ERBB4: variants seen among roughly 807,000 people sequenced by gnomAD.
ERBB4 encodes the protein receptor tyrosine-protein kinase erbB-4.
ERBB4 carries 42 observed loss-of-function variants against 158.0 expected under a neutral mutation model. That is an observed-to-expected ratio of 0.27 (90% CI 0.21 to 0.34). The LOEUF (loss-of-function observed/expected upper bound fraction) is 0.34. ERBB4 is among the 10% of genes least tolerant of loss of function. ERBB4 has a pLI of 1.00. For missense variants in ERBB4, 1,333 were observed against 1,624.1 expected (o/e 0.82, Z 3.08); for synonymous variants, 583 against 558.7 (o/e 1.04, Z -0.61).
At chr2:211,484,883 G>A (rs1435289612) in intron 20 of ERBB4, among the ~76,000 whole-genome samples, 2 of 152,182 alleles carry the variant, frequency 1.3e-5, no homozygotes, top group African/African-American at 4.8e-5. Flanking sequence ...CCCCTTATTA[G>A]TGCATGTATC....
chr2:212,503,636 T>C (rs560868474), intron 1 of ERBB4, among the ~76,000 whole-genome samples: 9 of 152,296 alleles, frequency 5.9e-5, no homozygotes, highest in African/African-American at 4.8e-5. Context: ...ACCAACAGCA[T>C]ACTCAGGAGC....
At position 212,538,769 on chromosome 2, in the gene ERBB4, C is replaced by T. The variant is rs1693257376; in HGVS notation, c.-239G>A. On this transcript the variant is annotated 5_prime_UTR_variant, in exon 1 of 28. Coordinates refer to ENST00000342788, the MANE Select transcript of ERBB4 (RefSeq NM_005235.3). ...GTGTGTGCGCGTGTGGGAGTGTGCT[C>T]GGTGTGTGCGCTTGGCGCTCTGGGC... 1 of 379,788 alleles carries T rather than the reference C, an allele frequency of 2.6e-6. No individual in the cohort carries two copies. Among genetic ancestry groups the T allele is most frequent in the Non-Finnish European group, 4.6e-6 (1 of 218,234 alleles). The allele number at this position is 379,788 out of a possible 1,614,324, so 23.5% of individuals were successfully genotyped here.
intron 2 of ERBB4, among the ~76,000 whole-genome samples, chr2:212,022,693 A>ATTTTTT (rs2076682949): frequency 1.3e-5 from 2 of 152,140 alleles, no homozygotes; most frequent in Admixed American, 6.6e-5. Flanking sequence ...TTAAAAAATA[A>ATTTTTT]AAAACATAAA....
chr2:212,237,136 C>T (rs1276721420), intron 1 of ERBB4, among the ~76,000 whole-genome samples: 2 of 152,002 alleles, frequency 1.3e-5, no homozygotes, highest in African/African-American at 4.8e-5. Flanking sequence ...AAACACTCCT[C>T]CTTTGGAGGA....
chr2:212,073,408 G>A (rs931105449), intron 2 of ERBB4, among the ~76,000 whole-genome samples: 1 of 151,914 alleles, frequency 6.6e-6, no homozygotes, highest in African/African-American at 2.4e-5. Context: ...ATTGGTGAAA[G>A]TTAATTGTAT....
At chr2:212,473,190 G>T (rs1237592672) in intron 1 of ERBB4, among the ~76,000 whole-genome samples, 4 of 151,774 alleles carry the variant, frequency 2.6e-5, no homozygotes, top group Non-Finnish European at 5.9e-5. Flanking sequence ...TTTGAATATG[G>T]TTTATTATTA....
chr2:211,742,265 G>T (rs1268160296), intron 5 of ERBB4, among the ~76,000 whole-genome samples: 1 of 152,116 alleles, frequency 6.6e-6, no homozygotes, highest in Non-Finnish European at 1.5e-5. Flanking sequence ...GTTCCACAAA[G>T]AATGTAAATA....
chr2:212,519,134 A>C (rs1361975270), intron 1 of ERBB4, among the ~76,000 whole-genome samples: 2 of 152,072 alleles, frequency 1.3e-5, no homozygotes, highest in African/African-American at 4.8e-5. Flanking sequence ...TCTTTTTCTC[A>C]AAGCACAAAT....
At chr2:212,514,687 C>T (rs1691725525) in intron 1 of ERBB4, among the ~76,000 whole-genome samples, 2 of 152,122 alleles carry the variant, frequency 1.3e-5, no homozygotes, top group Admixed American at 1.3e-4. Flanking sequence ...CACCTGTAGT[C>T]TCAGCTACTC....
At chr2:212,080,693 A>C (rs2078416737) in intron 2 of ERBB4, among the ~76,000 whole-genome samples, 1 of 141,910 alleles carries the variant, frequency 7.0e-6, no homozygotes, top group Non-Finnish European at 1.6e-5. Flanking sequence ...AAAAAAAAAA[A>C]ACCTCTTTAT....
chr2:211,976,211 T>C (rs1174788584), intron 2 of ERBB4, among the ~76,000 whole-genome samples: 2 of 152,148 alleles, frequency 1.3e-5, no homozygotes, highest in African/African-American at 4.8e-5. Flanking sequence ...TAGATAAATC[T>C]GTAATAAAGT....
At chr2:212,348,146 C>T (rs895696226) in intron 1 of ERBB4, among the ~76,000 whole-genome samples, 1 of 152,024 alleles carries the variant, frequency 6.6e-6, no homozygotes, top group East Asian at 1.9e-4. Context: ...AAAGGAAGAT[C>T]GTGATAGTCT....
chr2:211,378,977 G>GT lies in ERBB4; in HGVS notation c.*4637_*4638insA, dbSNP rs752404352. 5.6e-5 allele frequency: 13 copies of GT among 231,036 alleles called. No homozygotes were observed. The highest frequency in any genetic ancestry group is 1.8e-4 in the South Asian group (1 of 5,498). The allele number at this position is 231,036 out of a possible 1,614,324, so 14.3% of individuals were successfully genotyped here. On this transcript the variant is annotated 3_prime_UTR_variant, in exon 28 of 28. Transcript: ENST00000342788. Reference sequence around the variant, plus strand: ...GTATACAGTAGAAGTTAATTTATCTGGTTTTTTTAACAACTAGAAGCTGAT... The same window carrying GT: ...GTATACAGTAGAAGTTAATTTATCTGTGTTTTTTTAACAACTAGAAGCTGAT...
At position 211,595,101 on chromosome 2, in the gene ERBB4, A is replaced by C. The variant is rs1007209770; in HGVS notation, c.2301+24076T>G. Among the ~76,000 whole-genome samples the C allele has an allele frequency of 2.6e-5, 4 of 152,212 alleles. No individual in the cohort carries two copies. In the East Asian group the frequency reaches 7.7e-4, roughly 29 times the overall value. ...CAGTTCATAATAAATTTGTTTGAGA[A>C]TAAGAAAGATTCAAATAAAATAGTC... On this transcript the variant is annotated intron_variant, in intron 19 of 27. Coordinates refer to ENST00000342788, the MANE Select transcript of ERBB4 (RefSeq NM_005235.3).
chr2:211,698,826 C>T (rs963985243), intron 12 of ERBB4, among the ~76,000 whole-genome samples: 1 of 152,146 alleles, frequency 6.6e-6, no homozygotes, highest in African/African-American at 2.4e-5. Flanking sequence ...TAAACCTACT[C>T]TAAAACTTCT....
intron 1 of ERBB4, among the ~76,000 whole-genome samples, chr2:212,165,348 C>T (rs1318781473): frequency 1.3e-5 from 2 of 151,564 alleles, no homozygotes; most frequent in Non-Finnish European, 2.9e-5. Context: ...TTGGCACCCC[C>T]GTAAATTCTA....
intron 3 of ERBB4, among the ~76,000 whole-genome samples, chr2:211,875,050 A>C (rs73071348): frequency 0.012 from 889 of 75,762 alleles, 27 homozygotes; most frequent in African/African-American, 0.04. Context: ...AAAAAAAAAA[A>C]CAAACTCAAA....
chr2:211,804,597 T>C (rs2076571991), intron 3 of ERBB4, among the ~76,000 whole-genome samples: 1 of 152,198 alleles, frequency 6.6e-6, no homozygotes, highest in Non-Finnish European at 1.5e-5. Context: ...CAGCCAGAAG[T>C]TGGGTGCAGG....
At chr2:211,709,365 G>T (rs2073602763) in intron 9 of ERBB4, among the ~76,000 whole-genome samples, 2 of 149,706 alleles carry the variant, frequency 1.3e-5, no homozygotes, top group African/African-American at 4.9e-5. Flanking sequence ...TAATAATTAT[G>T]TTCTATGATG....
Sources: allele counts gnomAD v4.1 joint callset (sites outside exome capture counted in the v4.1 genomes callset), GRCh38; gene constraint gnomAD v4.1.1; transcripts MANE v1.5; gene names NCBI Gene and HGNC (gene_info 2026-07-23, HGNC 2026-07-21).